NCMAP: variants seen among roughly 807,000 people sequenced by gnomAD.
NCMAP encodes noncompact myelin-associated protein.
NCMAP carries 8 observed loss-of-function variants against 7.8 expected under a neutral mutation model. The ratio of observed to expected loss-of-function variants is 1.02; its 90% CI spans 0.60 to 1.84. The LOEUF (loss-of-function observed/expected upper bound fraction) is 1.84, where lower values mean the gene tolerates loss of function less well. Ranked by LOEUF, NCMAP falls within the 40% of genes most tolerant of loss-of-function variation. The probability of loss-of-function intolerance (pLI) is 0.00; values close to 1 mark genes in which losing one functional copy is unlikely to be tolerated. For missense variants in NCMAP, 112 were observed against 131.4 expected (o/e 0.85, Z 0.72); for synonymous variants, 41 against 52.9 (o/e 0.78, Z 0.98).
At chr1:24,605,552 C>T in intron 3 of NCMAP, 54 bp from the exon 4 acceptor site, 1 of 1,593,918 alleles carries the variant, frequency 6.3e-7, no homozygotes, top group Non-Finnish European at 8.6e-7. Context: ...AGAGCCCATT[C>T]CCCGCGGCAT....
chr1:24,606,456 C>G lies in NCMAP; in HGVS notation c.*709C>G, dbSNP rs1652735849. 1.3e-5 allele frequency: 2 copies of G among 152,446 alleles called. No homozygotes were observed. The highest frequency in any genetic ancestry group is 4.8e-5 in the African/African-American group (2 of 41,430). The allele number at this position is 152,446 out of a possible 1,614,324, so 9.4% of individuals were successfully genotyped here. Reference sequence around the variant, plus strand: ...TGTTGTCCGTGGGCCTGGAATGATCCTGGTGGCTGATCAGGGTCCTTCTCC... The same window carrying G: ...TGTTGTCCGTGGGCCTGGAATGATCGTGGTGGCTGATCAGGGTCCTTCTCC... On this transcript the variant is annotated 3_prime_UTR_variant, in exon 4 of 4. Coordinates refer to ENST00000374392, the MANE Select transcript of NCMAP (RefSeq NM_001010980.5).
chr1:24,597,671 GAAAAGAA>G (rs1281951338), intron 2 of NCMAP, among the ~76,000 whole-genome samples: 26 of 111,272 alleles, frequency 2.3e-4, no homozygotes, highest in African/African-American at 6.7e-4. Context: ...AAGAAAGAAA[GAAAAGAA>G]AAAGAAAGAA....
At chr1:24,591,413 G>A (rs530479071) in intron 1 of NCMAP, among the ~76,000 whole-genome samples, 32 of 152,242 alleles carry the variant, frequency 2.1e-4, no homozygotes, top group Middle Eastern at 3.4e-3. Context: ...GACTATAGGC[G>A]TGCACCACCA....
chr1:24,583,717 G>GAAAAAAA (rs71032830), intron 1 of NCMAP, among the ~76,000 whole-genome samples: 1 of 104,074 alleles, frequency 9.6e-6, no homozygotes, highest in Non-Finnish European at 1.9e-5. Flanking sequence ...CTCCGTCTCA[G>GAAAAAAA]AAAAAAAAAA....
chr1:24,556,592 C>T (rs907285785), intron 1 of NCMAP, among the ~76,000 whole-genome samples: 1 of 152,144 alleles, frequency 6.6e-6, no homozygotes, highest in African/African-American at 2.4e-5. Flanking sequence ...TATGCAGAGG[C>T]CCCTCCGGAA....
chr1:24,606,098 T>C lies in NCMAP; in HGVS notation c.*351T>C, dbSNP rs1051575725. The C allele has an allele frequency of 1.5e-4, 35 of 239,604 alleles. No individual in the cohort carries two copies. The highest frequency in any genetic ancestry group is 7.6e-4 in the African/African-American group (34 of 45,024). The allele number at this position is 239,604 out of a possible 1,614,324, so 14.8% of individuals were successfully genotyped here. A position where few individuals can be genotyped will look rare whatever the true frequency, so the allele number is the denominator to read the frequency against. On this transcript the variant is annotated 3_prime_UTR_variant, in exon 4 of 4. Coordinates refer to ENST00000374392, the MANE Select transcript of NCMAP (RefSeq NM_001010980.5). ...GGAGCCAGGTGTCAGGGAGCACTGCTGAGAGTATCACAATAGGATCTGTCA... is the reference window on the plus strand; with the variant it reads ...GGAGCCAGGTGTCAGGGAGCACTGCCGAGAGTATCACAATAGGATCTGTCA...
In NCMAP at chr1:24,595,487, C is replaced by T. The variant is rs556750716; in HGVS notation, c.57C>T (p.Thr19=). Residue 19 remains threonine, a synonymous_variant, in exon 2 of 4, where the codon ACC becomes ACT. Transcript: ENST00000374392. ...DTTFFSLNMT[T]RGEDFLYKSS... Reference sequence around the variant, plus strand: ...CCTTCTTCTCACTGAACATGACCACCAGGGGAGAAGACTTCCTGTATAAGA... The same window carrying T: ...CCTTCTTCTCACTGAACATGACCACTAGGGGAGAAGACTTCCTGTATAAGA... 1.2e-6 allele frequency: 2 copies of T among 1,613,962 alleles called. No individual in the cohort carries two copies. Among genetic ancestry groups the T allele is most frequent in the East Asian group, 2.2e-5 (1 of 44,880 alleles).
At chr1:24,572,013 C>A (rs1285044779) in intron 1 of NCMAP, among the ~76,000 whole-genome samples, 1 of 150,956 alleles carries the variant, frequency 6.6e-6, no homozygotes, top group African/African-American at 2.5e-5. Context: ...CTCAAATAGC[C>A]ATGCGTGGCC....
intron 1 of NCMAP, among the ~76,000 whole-genome samples, chr1:24,565,832 C>A (rs922510296): frequency 1.3e-5 from 2 of 152,036 alleles, no homozygotes; most frequent in African/African-American, 4.8e-5. Flanking sequence ...GGCTTTGTGT[C>A]CCCACACAAA....
At chr1:24,572,140 G>T (rs757603148) in intron 1 of NCMAP, among the ~76,000 whole-genome samples, 10 of 148,558 alleles carry the variant, frequency 6.7e-5, no homozygotes, top group Non-Finnish European at 1.2e-4. Context: ...TGGGGCAGCG[G>T]CGAGCATGCT....
intron 2 of NCMAP, among the ~76,000 whole-genome samples, chr1:24,599,905 T>C (rs1270294615): frequency 2.1e-5 from 3 of 143,324 alleles, no homozygotes; most frequent in Non-Finnish European, 4.5e-5. Flanking sequence ...TCCATTTTTA[T>C]CAAGTACATA....
intron 1 of NCMAP, among the ~76,000 whole-genome samples, chr1:24,565,734 A>G (rs1308901703): frequency 2.6e-5 from 4 of 151,832 alleles, no homozygotes; most frequent in African/African-American, 9.7e-5. Flanking sequence ...AGTAGCTGAG[A>G]CTACAGGTGC....
chr1:24,590,889 C>T (rs1652027493), intron 1 of NCMAP, among the ~76,000 whole-genome samples: 1 of 152,154 alleles, frequency 6.6e-6, no homozygotes, highest in Admixed American at 6.5e-5. Context: ...CTTAGAGCTG[C>T]CATTTAGTGA....
chr1:24,557,862 C>A (rs1650950138), intron 1 of NCMAP, among the ~76,000 whole-genome samples: 1 of 152,130 alleles, frequency 6.6e-6, no homozygotes, highest in Admixed American at 6.5e-5. Context: ...ATATAGTGAG[C>A]TGGGCTTGAG....
At chr1:24,594,677 A>G (rs1454817103) in intron 1 of NCMAP, among the ~76,000 whole-genome samples, 4 of 152,102 alleles carry the variant, frequency 2.6e-5, no homozygotes, top group African/African-American at 9.7e-5. Flanking sequence ...TATCTCTTCC[A>G]TGAAATTGTT....
chr1:24,575,142 C>T (rs1042363303), intron 1 of NCMAP, among the ~76,000 whole-genome samples: 1 of 151,580 alleles, frequency 6.6e-6, no homozygotes, highest in East Asian at 2.0e-4. Context: ...TTCTGGGAGG[C>T]GGAGGTTGCA....
chr1:24,575,585 C>T (rs7527096), intron 1 of NCMAP, among the ~76,000 whole-genome samples: 4,634 of 152,256 alleles, frequency 0.03, 272 homozygotes, highest in African/African-American at 0.11. Context: ...CCACACTTGG[C>T]ATTTGCAAGC....
At chr1:24,571,255 T>C (rs1651382025) in intron 1 of NCMAP, among the ~76,000 whole-genome samples, 1 of 150,618 alleles carries the variant, frequency 6.6e-6, no homozygotes, top group South Asian at 2.1e-4. Flanking sequence ...GGCAGGCGGA[T>C]CACGGGGTCA....
rs1651261096 is a variant in NCMAP, at chr1:24,567,456, G to A, written c.-8+11287G>A. Among the ~76,000 whole-genome samples the A allele has an allele frequency of 2.0e-5, 3 of 152,106 alleles. No homozygotes were observed. In the South Asian group the frequency reaches 6.2e-4, roughly 32 times the overall value. On this transcript the variant is annotated intron_variant, in intron 1 of 3. Transcript: ENST00000374392. ...AACTGACATTATCAGCACCCACTAGGGCCCAGGCATTCTGCTAGGGGGTTA... is the reference window on the plus strand; with the variant it reads ...AACTGACATTATCAGCACCCACTAGAGCCCAGGCATTCTGCTAGGGGGTTA...
Sources: allele counts gnomAD v4.1 joint callset (sites outside exome capture counted in the v4.1 genomes callset), GRCh38; gene constraint gnomAD v4.1.1; transcripts MANE v1.5; gene names NCBI Gene and HGNC (gene_info 2026-07-23, HGNC 2026-07-21).